The following ZMYM4 variants were observed in gnomAD, a reference collection of about 807,000 sequenced individuals.
ZMYM4 encodes zinc finger MYM-type containing 4, also known as zinc finger MYM-type protein 4.
In ZMYM4, 31 loss-of-function variants were observed where a neutral mutation model predicts 183.2. The ratio of observed to expected loss-of-function variants is 0.17; its 90% CI spans 0.13 to 0.23. The LOEUF (loss-of-function observed/expected upper bound fraction) is 0.23. Ranked by LOEUF, ZMYM4 falls within the 10% of genes least tolerant of loss-of-function variation. The pLI is 1.00. For missense variants in ZMYM4, 1,273 were observed against 1,840.3 expected, an observed-to-expected ratio of 0.69 and a Z score of 5.64; for synonymous variants, 592 against 631.2, an observed-to-expected ratio of 0.94 and a Z score of 0.93.
intron 2 of ZMYM4, among the ~76,000 whole-genome samples, chr1:35,356,937 G>A (rs1203803139): frequency 6.6e-6 from 1 of 152,128 alleles, no homozygotes; most frequent in East Asian, 1.9e-4. Flanking sequence ...AGGCTGGAGT[G>A]CAGTGGCACA....
At chr1:35,320,865 T>C (rs1642252996) in intron 1 of ZMYM4, among the ~76,000 whole-genome samples, 1 of 152,224 alleles carries the variant, frequency 6.6e-6, no homozygotes, top group African/African-American at 2.4e-5. Flanking sequence ...GGTGCACTTT[T>C]GCCTGCCCTG....
chr1:35,373,373 T>G (rs1219139851), intron 7 of ZMYM4, among the ~76,000 whole-genome samples: 1 of 141,156 alleles, frequency 7.1e-6, no homozygotes, highest in Non-Finnish European at 1.5e-5. Flanking sequence ...CTTAACTTTT[T>G]TTTTTTCTTT....
At chr1:35,418,693 A>T (rs1002248263) in intron 29 of ZMYM4, 121 bp downstream of exon 29, 20 of 1,275,742 alleles carry the variant, frequency 1.6e-5, no homozygotes, top group South Asian at 1.1e-4. Flanking sequence ...TTTACCATGA[A>T]TTTTTTCCCC....
intron 1 of ZMYM4, among the ~76,000 whole-genome samples, chr1:35,298,982 T>A (rs1042193387): frequency 1.3e-5 from 2 of 152,140 alleles, no homozygotes; most frequent in Non-Finnish European, 2.9e-5. Flanking sequence ...CTGGTAGTGA[T>A]GAATTCTCTG....
chr1:35,333,280 CAG>C (rs1642834973), intron 2 of ZMYM4, among the ~76,000 whole-genome samples: 3 of 133,986 alleles, frequency 2.2e-5, no homozygotes, highest in African/African-American at 8.6e-5. Flanking sequence ...TTTTTTGAGA[CAG>C]AGTCTTGCTC....
intron 13 of ZMYM4, 53 bp downstream of exon 13, chr1:35,387,657 G>C: frequency 6.5e-7 from 1 of 1,537,846 alleles, no homozygotes; most frequent in Non-Finnish European, 8.7e-7. Context: ...TTTTAAAGCA[G>C]TTGATGATGA....
intron 2 of ZMYM4, among the ~76,000 whole-genome samples, chr1:35,345,803 G>A (rs1643371178): frequency 1.3e-5 from 2 of 152,090 alleles, no homozygotes; most frequent in Admixed American, 6.6e-5. Context: ...TAAAATATAC[G>A]TAAAATGAAA....
Position 35,318,464 on chromosome 1 carries a change from G to A in ZMYM4, c.40-6896G>A, listed in dbSNP as rs148533690. On this transcript the variant is annotated intron_variant, in intron 1 of 29. Coordinates refer to ENST00000314607, the MANE Select transcript of ZMYM4 (RefSeq NM_005095.3). ...TCCTGGTAGGGTTTTTTGTTTTTTT[G>A]TTTTTTAATTTGAGGCGAAGTCTCG... 2.0e-3 allele frequency among the ~76,000 whole-genome samples: 308 copies of A among 150,676 alleles called. 1 individual carries two copies. Among genetic ancestry groups the A allele is most frequent in the Admixed American group, 5.2e-3 (79 of 15,132 alleles).
At chr1:35,400,735 A>G (rs558562818) in intron 23 of ZMYM4, among the ~76,000 whole-genome samples, 1 of 152,338 alleles carries the variant, frequency 6.6e-6, no homozygotes, top group South Asian at 2.1e-4. Context: ...TCCACTTAGC[A>G]AGAAGTTCCA....
chr1:35,339,841 G>A (rs532973144), intron 2 of ZMYM4, among the ~76,000 whole-genome samples: 20 of 152,284 alleles, frequency 1.3e-4, no homozygotes, highest in Middle Eastern at 6.8e-3. Flanking sequence ...TTACTCACCA[G>A]CATCTATCAA....
intron 20 of ZMYM4, among the ~76,000 whole-genome samples, 177 bp downstream of exon 20, chr1:35,397,722 G>C (rs1049972530): frequency 1.3e-5 from 2 of 152,116 alleles, no homozygotes; most frequent in African/African-American, 4.8e-5. Flanking sequence ...TTGTTTTTAT[G>C]AAGGAAAACC....
rs952644587 is a variant in ZMYM4 at position 35,268,892 on chromosome 1, C to T, written c.-155C>T. 2.1e-4 allele frequency: 165 copies of T among 794,682 alleles called. No homozygotes were observed. The highest frequency in any genetic ancestry group is 4.7e-4 in the South Asian group (8 of 17,146). The allele number at this position is 794,682 out of a possible 1,614,324, so 49.2% of individuals were successfully genotyped here. On this transcript the variant is annotated 5_prime_UTR_variant, in exon 1 of 30. Transcript: ENST00000314607. ...TCAGAAGCTGCGGCCCGGCGCGCGG[C>T]ATCCGCCCCCTCCCCACTCTCGGCG...
intron 2 of ZMYM4, among the ~76,000 whole-genome samples, chr1:35,335,055 A>C (rs1042040334): frequency 6.6e-6 from 1 of 152,158 alleles, no homozygotes; most frequent in Admixed American, 6.5e-5. Flanking sequence ...TCTTGATGCC[A>C]ATTTCCCAGT....
At chr1:35,269,139 C>A in intron 1 of ZMYM4, 54 bp downstream of exon 1, 3 of 1,540,230 alleles carry the variant, frequency 1.9e-6, no homozygotes, top group South Asian at 2.4e-5. Context: ...CGGCCCGGGG[C>A]CGGGAATGGG....
chr1:35,396,103 A>C (rs891539195), intron 18 of ZMYM4, among the ~76,000 whole-genome samples: 7 of 152,176 alleles, frequency 4.6e-5, no homozygotes, highest in Non-Finnish European at 1.0e-4. Flanking sequence ...TCAGTGCTGA[A>C]ATTGTTGCCA....
Position 35,269,501 on chromosome 1 carries a change from G to A in ZMYM4, c.39+416G>A, listed in dbSNP as rs574061855. On this transcript the variant is annotated intron_variant, in intron 1 of 29. Transcript: ENST00000314607. The stretch of plus-strand genomic sequence containing the variant: ...TGGAGGGGTCTCAGGAGAAATAACC[G>A]GAGGGTTCTTCAGTAACACCATCGC... 6.7e-3 allele frequency among the ~76,000 whole-genome samples: 1,022 copies of A among 152,114 alleles called. 18 individuals are homozygous for A. Among genetic ancestry groups the A allele is most frequent in the African/African-American group, 0.022 (904 of 41,498 alleles).
chr1:35,314,664 A>ATTTTT (rs769116908), intron 1 of ZMYM4, among the ~76,000 whole-genome samples: 12,565 of 88,866 alleles, frequency 0.14, 1,655 homozygotes, highest in African/African-American at 0.28. Context: ...TTCAAAAATG[A>ATTTTT]TTTTTTTTTT....
rs201263391 is a variant in ZMYM4 at position 35,419,695 on chromosome 1, T to A, written c.*18T>A. The A allele has an allele frequency of 6.2e-7, 1 of 1,613,370 alleles. No individual in the cohort carries two copies. Among genetic ancestry groups the A allele is most frequent in the Admixed American group, 1.7e-5 (1 of 59,996 alleles). ...CAGATTAAAACGGAAGTGAGGTTCTTATTTTCATACATATTGGTATGCACC... is the reference window on the plus strand; with the variant it reads ...CAGATTAAAACGGAAGTGAGGTTCTAATTTTCATACATATTGGTATGCACC... On this transcript the variant is annotated 3_prime_UTR_variant, in exon 30 of 30. Transcript: ENST00000314607.
At chr1:35,296,843 C>CTTTTTTTTTTTTTTTT (rs780202714) in intron 1 of ZMYM4, among the ~76,000 whole-genome samples, 2 of 95,624 alleles carry the variant, frequency 2.1e-5, no homozygotes, top group Non-Finnish European at 3.7e-5. Flanking sequence ...TTCTTTCTTT[C>CTTTTTTTTTTTTTTTT]TTTTTTTTTT....
Sources: allele counts gnomAD v4.1 joint callset (sites outside exome capture counted in the v4.1 genomes callset), GRCh38; gene constraint gnomAD v4.1.1; transcripts MANE v1.5; gene names NCBI Gene and HGNC (gene_info 2026-07-23, HGNC 2026-07-21).